The following ZNF292 variants were observed in gnomAD, a reference collection of about 807,000 sequenced individuals.
ZNF292 encodes the protein 16 zinc-finger domain protein.
In ZNF292, 26 loss-of-function variants were observed where a neutral mutation model predicts 217.9. The ratio of observed to expected loss-of-function variants is 0.12; its 90% confidence interval spans 0.09 to 0.17. The LOEUF (loss-of-function observed/expected upper bound fraction) is 0.17. Among genes scored for constraint, ZNF292 ranks in the 10% least tolerant of loss-of-function variants. The pLI, the probability that ZNF292 is intolerant of heterozygous loss-of-function variation, is 1.00. For missense variants in ZNF292, 2,904 were observed against 3,175.2 expected (o/e 0.91, Z 2.05); for synonymous variants, 1,257 against 1,124.1 (o/e 1.12, Z -2.37).
chr6:87,170,164 TA>T (rs1397323547), intron 1 of ZNF292: 4 of 152,238 alleles, frequency 2.6e-5, no homozygotes, highest in Non-Finnish European at 5.9e-5. Flanking sequence ...ACAAGATTAT[TA>T]TATTATTTTA....
At chr6:87,186,864 T>C (rs1028117104) in intron 1 of ZNF292, among the ~76,000 whole-genome samples, 10 of 152,232 alleles carry the variant, frequency 6.6e-5, no homozygotes, top group Non-Finnish European at 1.2e-4. Flanking sequence ...GTTGTTCCTG[T>C]ATTCCAGAAC....
At chr6:87,178,259 A>G (rs945594629) in intron 1 of ZNF292, among the ~76,000 whole-genome samples, 2 of 152,164 alleles carry the variant, frequency 1.3e-5, no homozygotes, top group African/African-American at 2.4e-5. Context: ...TGTTCTTAAA[A>G]AGAGGGAACA....
chr6:87,247,287 A>G (rs1461869708), intron 7 of ZNF292, among the ~76,000 whole-genome samples: 6 of 93,666 alleles, frequency 6.4e-5, no homozygotes, highest in Non-Finnish European at 1.2e-4. Flanking sequence ...ACACATGCGC[A>G]CGCACGTGCA....
chr6:87,236,891 A>C (rs1267307384), intron 5 of ZNF292, among the ~76,000 whole-genome samples: 2 of 152,160 alleles, frequency 1.3e-5, no homozygotes, highest in Admixed American at 1.3e-4. Context: ...ATCTTTAACC[A>C]GATTGGTAGA....
intron 7 of ZNF292, among the ~76,000 whole-genome samples, chr6:87,247,537 G>A (rs141810626): frequency 3.0e-4 from 46 of 152,186 alleles, no homozygotes; most frequent in Non-Finnish European, 5.0e-4. Flanking sequence ...TCAGAAATCC[G>A]TATGCCAAGT....
chr6:87,211,733 A>G (rs1772493574), intron 1 of ZNF292, among the ~76,000 whole-genome samples: 1 of 152,086 alleles, frequency 6.6e-6, no homozygotes, highest in East Asian at 1.9e-4. Context: ...ACAGTTTTAA[A>G]TTTTCTTACC....
At chr6:87,177,635 C>CTT (rs1173667527) in intron 1 of ZNF292, among the ~76,000 whole-genome samples, 1 of 152,060 alleles carries the variant, frequency 6.6e-6, no homozygotes, top group Non-Finnish European at 1.5e-5. Flanking sequence ...TCCTTAAAGA[C>CTT]TTTAAAAGAC....
At chr6:87,238,579 G>C (rs1774016788) in intron 5 of ZNF292, among the ~76,000 whole-genome samples, 1 of 149,474 alleles carries the variant, frequency 6.7e-6, no homozygotes, top group Non-Finnish European at 1.5e-5. Flanking sequence ...TACCATATGA[G>C]CACTCAGCAA....
Position 87,255,315 on chromosome 6 carries a change from A to C in ZNF292, c.1686A>C (p.Lys562Asn). The change falls in exon 8 of 8, where the codon AAA (lysine) becomes AAC (asparagine). Residue 562 changes from lysine to asparagine, a missense_variant. By Grantham distance (94) the Lys-to-Asn change is moderately conservative. Transcript: ENST00000369577. The part of the protein sequence containing the change: ...LGHRIVRHAQ[K>N]HYKDGIYSCP... ...ACAGAATAGTACGACATGCTCAGAAACATTACAAAGATGGAATTTATAGTT... is the reference window on the plus strand; with the variant it reads ...ACAGAATAGTACGACATGCTCAGAACCATTACAAAGATGGAATTTATAGTT... 6.2e-7 allele frequency: 1 copy of C among 1,613,894 alleles called. No individual in the cohort carries two copies. The highest frequency in any genetic ancestry group is 8.5e-7 in the Non-Finnish European group (1 of 1,179,852).
intron 5 of ZNF292, among the ~76,000 whole-genome samples, chr6:87,241,537 A>G (rs752771520): frequency 3.3e-5 from 5 of 150,726 alleles, no homozygotes; most frequent in South Asian, 4.2e-4. Flanking sequence ...TCCCACCTCA[A>G]CCTCCCCAGT....
Position 87,262,566 on chromosome 6 carries a change from A to C in ZNF292, c.*765A>C, listed in dbSNP as rs1044522201. On this transcript the variant is annotated 3_prime_UTR_variant, in exon 8 of 8. Coordinates refer to ENST00000369577, the MANE Select transcript of ZNF292 (RefSeq NM_015021.3). ...TAGTTACTATGAGTCCATGAAATAC[A>C]ATGGAAATGTGAATAAAGAATTTAC... 1.3e-5 allele frequency: 2 copies of C among 151,828 alleles called. No individual in the cohort carries two copies. The highest frequency in any genetic ancestry group is 1.3e-4 in the Admixed American group (2 of 15,228). The allele number at this position is 151,828 out of a possible 1,614,324, so 9.4% of individuals were successfully genotyped here. A position where few individuals can be genotyped will look rare whatever the true frequency, so the allele number is the denominator to read the frequency against.
chr6:87,162,423 C>T (rs571211607), intron 1 of ZNF292, among the ~76,000 whole-genome samples: 3 of 152,206 alleles, frequency 2.0e-5, no homozygotes, highest in African/African-American at 7.2e-5. Context: ...TTCTTTTTGA[C>T]TATTAGAGGC....
rs1045188161 is a variant in ZNF292 at position 87,257,038 on chromosome 6, A to G, written c.3409A>G (p.Lys1137Glu). 1.8e-5 allele frequency: 29 copies of G among 1,613,598 alleles called. No homozygotes were observed. The highest frequency in any genetic ancestry group is 2.4e-5 in the Non-Finnish European group (28 of 1,179,782). ...YAAFKMQRKSKKGQKANNLNT... is the reference protein window; with the variant it reads ...YAAFKMQRKSEKGQKANNLNT... ...TGCATTTAAAATGCAGCGCAAAAGT[A>G]AAAAAGGTCAGAAAGCTAACAACTT... is the stretch of plus-strand genomic sequence containing the variant. The change falls in exon 8 of 8, where the codon AAA becomes GAA. Residue 1137 changes from lysine (K) to glutamate (E), a missense_variant. Lys to Glu is a moderately conservative substitution (Grantham distance 56). Transcript: ENST00000369577.
At chr6:87,210,078 G>A (rs925496665) in intron 1 of ZNF292, among the ~76,000 whole-genome samples, 2 of 151,784 alleles carry the variant, frequency 1.3e-5, no homozygotes, top group African/African-American at 4.8e-5. Context: ...ATTTTCCCTC[G>A]TGGTAATCCT....
intron 1 of ZNF292, among the ~76,000 whole-genome samples, chr6:87,194,745 G>T (rs1171381596): frequency 6.6e-6 from 1 of 152,070 alleles, no homozygotes; most frequent in Non-Finnish European, 1.5e-5. Flanking sequence ...TGTTTAAAAA[G>T]AAAACTGTAG....
chr6:87,186,019 G>A (rs186495157), intron 1 of ZNF292, among the ~76,000 whole-genome samples: 75 of 152,214 alleles, frequency 4.9e-4, no homozygotes, highest in African/African-American at 1.6e-3. Flanking sequence ...GATTGATTAC[G>A]TAATTGGCCA....
At chr6:87,206,429 C>T (rs1382196359) in intron 1 of ZNF292, among the ~76,000 whole-genome samples, 1 of 152,054 alleles carries the variant, frequency 6.6e-6, no homozygotes, top group Non-Finnish European at 1.5e-5. Context: ...CCTTCATTCA[C>T]ATTTTGCCAT....
At chr6:87,167,822 T>C (rs1288280909) in intron 1 of ZNF292, among the ~76,000 whole-genome samples, 1 of 152,202 alleles carries the variant, frequency 6.6e-6, no homozygotes, top group Non-Finnish European at 1.5e-5. Flanking sequence ...TAGGAATTCT[T>C]CGCTGATTCA....
intron 1 of ZNF292, among the ~76,000 whole-genome samples, chr6:87,195,177 C>T (rs1340961873): frequency 6.6e-6 from 1 of 151,998 alleles, no homozygotes; most frequent in Admixed American, 6.6e-5. Flanking sequence ...TAGTTTAAGA[C>T]AAAGTAAAAT....
Sources: allele counts gnomAD v4.1 joint callset (sites outside exome capture counted in the v4.1 genomes callset), GRCh38; gene constraint gnomAD v4.1.1; transcripts MANE v1.5; gene names NCBI Gene and HGNC (gene_info 2026-07-23, HGNC 2026-07-21).